The following SPMIP4 variants were observed in gnomAD, a reference collection of about 807,000 sequenced individuals.
The protein encoded by SPMIP4 is sperm-associated microtubule inner protein 4.
At chr7:25,173,147 G>A in the SPMIP4 span, among the ~76,000 whole-genome samples, 1 of 152,034 alleles carries the variant, frequency 6.6e-6, no homozygotes, top group Non-Finnish European at 1.5e-5. The surrounding 1 kb of genome is among the most constrained non-coding windows in gnomAD (Gnocchi z 4.4). Flanking sequence ...GAGGGAAAGA[G>A]AAAGAGGTAT....
At chr7:25,142,770 T>C in the SPMIP4 span, 3 of 1,584,036 alleles carry the variant, frequency 1.9e-6, no homozygotes. Flanking sequence ...TTTTAGGAGG[T>C]TTTGGGTAGA....
the SPMIP4 span, among the ~76,000 whole-genome samples, chr7:25,158,971 G>T: frequency 6.6e-6 from 1 of 152,172 alleles, no homozygotes; most frequent in Middle Eastern, 3.4e-3. Context: ...GGCATATGTT[G>T]TTTCCTTATC....
the SPMIP4 span, among the ~76,000 whole-genome samples, chr7:25,161,417 A>C: frequency 6.6e-6 from 1 of 151,998 alleles, no homozygotes; most frequent in African/African-American, 2.4e-5. Flanking sequence ...TTTTATAATA[A>C]ATAGAGACGA....
At chr7:25,132,569 C>G in the SPMIP4 span, among the ~76,000 whole-genome samples, 15 of 152,232 alleles carry the variant, frequency 9.9e-5, no homozygotes, top group Admixed American at 2.0e-4. The surrounding 1 kb of genome is among the most constrained non-coding windows in gnomAD (Gnocchi z 5.0). Context: ...AATGGCCAAA[C>G]CACCCCTTGA....
the SPMIP4 span, among the ~76,000 whole-genome samples, chr7:25,176,792 G>A: frequency 1.3e-5 from 2 of 152,210 alleles, no homozygotes; most frequent in Non-Finnish European, 2.9e-5. The surrounding 1 kb of genome is among the most constrained non-coding windows in gnomAD (Gnocchi z 4.4). Flanking sequence ...TATGAGGAAT[G>A]TGTGTTAGTT....
chr7:25,139,366 T>C, the SPMIP4 span, among the ~76,000 whole-genome samples: 1 of 152,082 alleles, frequency 6.6e-6, no homozygotes, highest in Non-Finnish European at 1.5e-5. Context: ...ATGTTAGTGG[T>C]AGAATCTAGG....
At chr7:25,158,939 A>G in the SPMIP4 span, among the ~76,000 whole-genome samples, 1 of 151,904 alleles carries the variant, frequency 6.6e-6, no homozygotes, top group Admixed American at 6.6e-5. Context: ...AACTTTCTGG[A>G]TTCCTGAATA....
the SPMIP4 span, among the ~76,000 whole-genome samples, chr7:25,177,564 G>T: frequency 6.6e-6 from 1 of 152,110 alleles, no homozygotes; most frequent in African/African-American, 2.4e-5. Flanking sequence ...GGTGTTTTGA[G>T]GTGTTTTTTC....
chr7:25,170,915 A>G, the SPMIP4 span, among the ~76,000 whole-genome samples: 394 of 152,344 alleles, frequency 2.6e-3, 4 homozygotes, highest in Admixed American at 4.3e-3. Context: ...TAGGGCTACT[A>G]TAACAATGGT....
chr7:25,178,015 T>C, the SPMIP4 span, among the ~76,000 whole-genome samples: 2 of 152,222 alleles, frequency 1.3e-5, no homozygotes, highest in Non-Finnish European at 2.9e-5. Flanking sequence ...TGTCTCCATG[T>C]GTACTCAATG....
At chr7:25,165,990 T>C in the SPMIP4 span, among the ~76,000 whole-genome samples, 3 of 152,146 alleles carry the variant, frequency 2.0e-5, no homozygotes, top group African/African-American at 7.2e-5. Context: ...CAATCATCCA[T>C]ATCTATACTA....
the SPMIP4 span, among the ~76,000 whole-genome samples, chr7:25,128,714 A>T: frequency 6.6e-6 from 1 of 152,238 alleles, no homozygotes; most frequent in African/African-American, 2.4e-5. This position sits in a 1 kb window ranked among gnomAD's most constrained non-coding sequence, Gnocchi z 4.5. Context: ...CTGGTATCCA[A>T]GTCGCAAGAC....
At chr7:25,148,475 C>CTTTT in the SPMIP4 span, among the ~76,000 whole-genome samples, 1 of 65,772 alleles carries the variant, frequency 1.5e-5, no homozygotes, top group Non-Finnish European at 3.3e-5. Flanking sequence ...CAGAATCTGC[C>CTTTT]TCTTTTTTTT....
the SPMIP4 span, among the ~76,000 whole-genome samples, chr7:25,159,998 A>T: frequency 6.6e-6 from 1 of 152,060 alleles, no homozygotes; most frequent in Non-Finnish European, 1.5e-5. Context: ...TGAAAAAAAA[A>T]AATAAATTTA....
At chr7:25,135,045 ATACT>A in the SPMIP4 span, 1 of 608,954 alleles carries the variant, frequency 1.6e-6, no homozygotes, top group African/African-American at 2.0e-5. Flanking sequence ...TATTCACAAA[ATACT>A]TAAAGAAATT....
chr7:25,148,941 A>G, the SPMIP4 span, among the ~76,000 whole-genome samples: 1 of 152,272 alleles, frequency 6.6e-6, no homozygotes, highest in Non-Finnish European at 1.5e-5. Context: ...GGACAGAAAA[A>G]GGAAAGTGAC....
the SPMIP4 span, among the ~76,000 whole-genome samples, chr7:25,169,821 C>G: frequency 6.6e-6 from 1 of 152,164 alleles, no homozygotes; most frequent in African/African-American, 2.4e-5. Context: ...GGTGATCCCC[C>G]CTACCTTGGC....
the SPMIP4 span, chr7:25,136,600 T>A: frequency 1.9e-6 from 3 of 1,614,104 alleles, no homozygotes; most frequent in African/African-American, 4.0e-5. This position sits in a 1 kb window ranked among gnomAD's most constrained non-coding sequence, Gnocchi z 5.7. Flanking sequence ...TGGTATGTTA[T>A]CACTAAGTGC....
At chr7:25,147,953 A>G in the SPMIP4 span, among the ~76,000 whole-genome samples, 41 of 152,310 alleles carry the variant, frequency 2.7e-4, no homozygotes, top group South Asian at 6.4e-3. Flanking sequence ...TATGTTATAC[A>G]TATTTTCTTA....
Sources: gnomAD v4.1 joint callset for allele counts (sites outside exome capture counted in the v4.1 genomes callset) on GRCh38, gnomAD v4.1.1 for gene constraint, Gnocchi (gnomAD v3.1) non-coding constraint, MANE v1.5 for transcripts, NCBI Gene and HGNC (gene_info 2026-07-23, HGNC 2026-07-21) for gene names.